Variants in IPCEF1 observed in about 807,000 individuals in gnomAD.
IPCEF1 encodes interactor protein for cytohesin exchange factors 1.
Under a neutral mutation model 50.9 loss-of-function variants are expected in IPCEF1, and 31 were observed. That is an observed-to-expected ratio of 0.61 (90% CI 0.46 to 0.82). IPCEF1 has a LOEUF of 0.82. Among genes scored for constraint, IPCEF1 ranks in the 40% least tolerant of loss-of-function variants. IPCEF1 has a pLI of 0.00. For missense variants in IPCEF1, 458 were observed against 514.0 expected, an observed-to-expected ratio of 0.89 and a Z score of 1.05; for synonymous variants, 181 against 192.0, an observed-to-expected ratio of 0.94 and a Z score of 0.47.
chr6:154,319,450 AT>A (rs1320749261), intron 1 of IPCEF1, among the ~76,000 whole-genome samples: 1 of 152,206 alleles, frequency 6.6e-6, no homozygotes, highest in Non-Finnish European at 1.5e-5. Context: ...CCTACTAAAC[AT>A]TTTTTAAATA....
intron 1 of IPCEF1, among the ~76,000 whole-genome samples, chr6:154,337,944 G>A (rs77209840): frequency 0.021 from 3,229 of 151,568 alleles, 59 homozygotes; most frequent in Non-Finnish European, 0.033. Flanking sequence ...ATAGTAATAC[G>A]CCCATTGGGG....
chr6:154,354,415 A>ACCTCCACCACCACCTCCACCATCT (rs759596936), intron 1 of IPCEF1, among the ~76,000 whole-genome samples: 8,425 of 46,152 alleles, frequency 0.18, 2,085 homozygotes, highest in African/African-American at 0.22. Context: ...CTCCACCACC[A>ACCTCCACCACCACCTCCACCATCT]CCTCCACCAC....
At chr6:154,235,577 T>TA (rs1780066962) in intron 5 of IPCEF1, among the ~76,000 whole-genome samples, 1 of 151,792 alleles carries the variant, frequency 6.6e-6, no homozygotes, top group Non-Finnish European at 1.5e-5. Flanking sequence ...TTAAGTCTTT[T>TA]AAAATCACAG....
At position 154,244,305 on chromosome 6, in the gene IPCEF1, T is replaced by TGG. The variant is rs1418566894; in HGVS notation, c.246+2285_246+2286insCC. ...GATTCGGTGTGTGTGTGGGTGGGTG[T>TGG]GTGTGTGTGTGTGTGTGTGTGTTTG... On this transcript the variant is annotated intron_variant, in intron 5 of 11. Transcript: ENST00000367220. Among the ~76,000 whole-genome samples the TGG allele has an allele frequency of 2.7e-5, 4 of 146,014 alleles. No homozygotes were observed. In the East Asian group the frequency reaches 7.8e-4, roughly 28 times the overall value.
At chr6:154,262,756 C>T (rs1781632513) in intron 3 of IPCEF1, among the ~76,000 whole-genome samples, 1 of 144,948 alleles carries the variant, frequency 6.9e-6, no homozygotes, top group Non-Finnish European at 1.5e-5. Context: ...TACATATACA[C>T]ATGCTTATAA....
intron 1 of IPCEF1, among the ~76,000 whole-genome samples, chr6:154,334,005 A>C (rs1783735468): frequency 6.6e-6 from 1 of 152,152 alleles, no homozygotes; most frequent in African/African-American, 2.4e-5. Context: ...AAAGACACAG[A>C]AATGAGAAAA....
At chr6:154,195,217 G>T (rs542420303) in intron 10 of IPCEF1, among the ~76,000 whole-genome samples, 1 of 145,352 alleles carries the variant, frequency 6.9e-6, no homozygotes, top group Non-Finnish European at 1.5e-5. Context: ...GCACGATCTC[G>T]GCTCACTGCA....
chr6:154,296,189 T>C (rs1456098764), intron 1 of IPCEF1, among the ~76,000 whole-genome samples: 2 of 152,114 alleles, frequency 1.3e-5, no homozygotes, highest in Admixed American at 1.3e-4. Context: ...GGAGCCCTTT[T>C]GGGCAAGCAG....
intron 11 of IPCEF1, among the ~76,000 whole-genome samples, chr6:154,166,697 G>T (rs542937269): frequency 9.2e-5 from 14 of 151,672 alleles, no homozygotes; most frequent in Non-Finnish European, 1.8e-4. Context: ...ACCTAGAATA[G>T]TGGCTGGTAC....
intron 1 of IPCEF1, among the ~76,000 whole-genome samples, chr6:154,321,314 A>G (rs765923568): frequency 6.6e-6 from 1 of 152,088 alleles, no homozygotes; most frequent in Non-Finnish European, 1.5e-5. Context: ...ATCTATGCTA[A>G]TTTTAGAAGG....
chr6:154,237,596 A>G (rs2128632715), intron 5 of IPCEF1, among the ~76,000 whole-genome samples: 1 of 152,302 alleles, frequency 6.6e-6, no homozygotes, highest in East Asian at 1.9e-4. Flanking sequence ...TGAATAATAT[A>G]GAGATAGTGT....
chr6:154,328,284 A>C (rs1783570943), intron 1 of IPCEF1, among the ~76,000 whole-genome samples: 1 of 152,238 alleles, frequency 6.6e-6, no homozygotes, highest in Admixed American at 6.5e-5. Flanking sequence ...ACAAATTCTA[A>C]AGCGTGGCTG....
chr6:154,254,427 G>A (rs1455004712), intron 3 of IPCEF1, among the ~76,000 whole-genome samples: 1 of 152,186 alleles, frequency 6.6e-6, no homozygotes, highest in Non-Finnish European at 1.5e-5. Flanking sequence ...GGAAGCACCA[G>A]ATACTAATCA....
rs745387081 is a variant in IPCEF1 at position 154,295,546 on chromosome 6, G to A, written c.-61-5790C>T. Among the ~76,000 whole-genome samples, 95 of 151,944 alleles carry A rather than the reference G, an allele frequency of 6.3e-4. 1 individual carries two copies. Among genetic ancestry groups the A allele is most frequent in the Non-Finnish European group, 1.2e-3 (80 of 67,988 alleles). On this transcript the variant is annotated intron_variant, in intron 1 of 11. Coordinates refer to ENST00000367220, the MANE Select transcript of IPCEF1 (RefSeq NM_001130700.2). ...TGGCACACACTTTGCTGTGAGCATTGCTTGGGGAACAGAGAGCACAGGGGG... is the reference window on the plus strand; with the variant it reads ...TGGCACACACTTTGCTGTGAGCATTACTTGGGGAACAGAGAGCACAGGGGG...
intron 10 of IPCEF1, among the ~76,000 whole-genome samples, chr6:154,185,597 T>A (rs1340048104): frequency 6.6e-6 from 1 of 152,236 alleles, no homozygotes; most frequent in Admixed American, 6.5e-5. Flanking sequence ...ATATGCCATA[T>A]GCTTATTATA....
At chr6:154,346,772 G>T (rs1784037734) in intron 1 of IPCEF1, among the ~76,000 whole-genome samples, 2 of 152,274 alleles carry the variant, frequency 1.3e-5, no homozygotes, top group African/African-American at 4.8e-5. Context: ...TCACTATCAT[G>T]AGAACAACAT....
intron 1 of IPCEF1, among the ~76,000 whole-genome samples, chr6:154,314,469 AAC>A (rs1441522248): frequency 6.6e-6 from 1 of 152,140 alleles, no homozygotes; most frequent in Non-Finnish European, 1.5e-5. Context: ...ACTAAGAAAA[AAC>A]TAGTGAAAAT....
chr6:154,291,680 GTTTT>G (rs34064925), intron 1 of IPCEF1, among the ~76,000 whole-genome samples: 70 of 104,476 alleles, frequency 6.7e-4, no homozygotes, highest in Non-Finnish European at 1.2e-3. Context: ...CTCAGGAAAG[GTTTT>G]TTTTTTTTTT....
At chr6:154,225,922 A>T (rs1302044829) in intron 5 of IPCEF1, among the ~76,000 whole-genome samples, 1 of 152,172 alleles carries the variant, frequency 6.6e-6, no homozygotes, top group Non-Finnish European at 1.5e-5. Context: ...GCTAAATCCC[A>T]TCTACTGTTT....
Sources: gnomAD v4.1 joint callset for allele counts (sites outside exome capture counted in the v4.1 genomes callset) on GRCh38, gnomAD v4.1.1 for gene constraint, MANE v1.5 for transcripts, NCBI Gene and HGNC (gene_info 2026-07-23, HGNC 2026-07-21) for gene names.